ABTB2: variants seen among roughly 807,000 people sequenced by gnomAD.
The protein encoded by ABTB2 is ankyrin repeat and BTB/POZ domain-containing protein 2.
ABTB2 carries 56 observed loss-of-function variants against 104.1 expected under a neutral mutation model. The observed-to-expected ratio is 0.54, with a 90% confidence interval of 0.43 to 0.67. The LOEUF (loss-of-function observed/expected upper bound fraction) is 0.67, where lower values mean the gene tolerates loss of function less well. Ranked by LOEUF, ABTB2 falls within the 30% of genes least tolerant of loss-of-function variation. ABTB2 has a pLI of 0.00. For synonymous variants in ABTB2, 606 were observed against 608.2 expected (o/e 1.00, Z 0.05); for missense variants, 1,279 against 1,407.7 (o/e 0.91, Z 1.46).
intron 14 of ABTB2, among the ~76,000 whole-genome samples, chr11:34,156,714 C>A (rs192358076): frequency 6.6e-6 from 1 of 151,900 alleles, no homozygotes; most frequent in Non-Finnish European, 1.5e-5. Flanking sequence ...AGTAGAGATA[C>A]GGTTTCTACA....
Position 34,151,770 on chromosome 11 carries a change from G to A in ABTB2, c.*617C>T, listed in dbSNP as rs1225173071. 6.5e-6 allele frequency: 1 copy of A among 152,940 alleles called. No individual in the cohort carries two copies. The highest frequency in any genetic ancestry group is 1.5e-5 in the Non-Finnish European group (1 of 68,692). 9.5% of individuals were successfully genotyped at this position (152,940 alleles called of 1,614,324 possible). A position where few individuals can be genotyped will look rare whatever the true frequency, so the allele number is the denominator to read the frequency against. Reference sequence around the variant, plus strand: ...TGGAAGCCCAGGCACCAAAGACAATGGGGGAACTCCGGGTGGCAGCAGTCG... The same window carrying A: ...TGGAAGCCCAGGCACCAAAGACAATAGGGGAACTCCGGGTGGCAGCAGTCG... On this transcript the variant is annotated 3_prime_UTR_variant, in exon 17 of 17. Coordinates refer to ENST00000435224, the MANE Select transcript of ABTB2 (RefSeq NM_145804.3).
intron 11 of ABTB2, 73 bp downstream of exon 11, chr11:34,160,830 G>A (rs1852707945): frequency 4.7e-6 from 7 of 1,487,156 alleles, no homozygotes; most frequent in Non-Finnish European, 6.4e-6. Flanking sequence ...GTGTCTGCCT[G>A]TGTGTCCATC....
intron 1 of ABTB2, among the ~76,000 whole-genome samples, chr11:34,350,743 G>C (rs1160946758): frequency 6.6e-6 from 1 of 152,184 alleles, no homozygotes; most frequent in Non-Finnish European, 1.5e-5. Flanking sequence ...TTCTTGCTAT[G>C]AGTTTGACCC....
intron 1 of ABTB2, among the ~76,000 whole-genome samples, chr11:34,343,086 C>T (rs1005784917): frequency 3.3e-5 from 5 of 152,290 alleles, no homozygotes; most frequent in African/African-American, 9.6e-5. Context: ...CCTGCTGCCT[C>T]AGCCTCCCGA....
rs1554923796 is a variant in ABTB2 at position 34,297,796 on chromosome 11, G to GAAACAAAT, written c.883+58904_883+58905insATTTGTTT. On this transcript the variant is annotated intron_variant, in intron 1 of 16. Transcript: ENST00000435224. ...AAAAAAAAAAAAAATAAAAATAAAG[G>GAAACAAAT]AAAGAAAAAGAAAAAAACAAAATTC... Among the ~76,000 whole-genome samples the GAAACAAAT allele has an allele frequency of 3.0e-4, 37 of 123,068 alleles. 4 individuals carry two copies. Among genetic ancestry groups the GAAACAAAT allele is most frequent in the East Asian group, 4.9e-4 (2 of 4,106 alleles). The allele number at this position is 123,068 out of a possible 152,430, so 80.7% of individuals were successfully genotyped here.
At chr11:34,314,719 A>G (rs1183544129) in intron 1 of ABTB2, among the ~76,000 whole-genome samples, 1 of 152,170 alleles carries the variant, frequency 6.6e-6, no homozygotes, top group East Asian at 1.9e-4. Context: ...TCTTAGAAGG[A>G]CTGGCTAGAT....
chr11:34,236,749 T>C (rs545057510), intron 1 of ABTB2, among the ~76,000 whole-genome samples: 26 of 151,944 alleles, frequency 1.7e-4, no homozygotes, highest in African/African-American at 6.0e-4. Flanking sequence ...CCGAGGAGGG[T>C]AGATAAACGA....
chr11:34,353,063 A>T (rs1855418767), intron 1 of ABTB2, among the ~76,000 whole-genome samples: 1 of 152,218 alleles, frequency 6.6e-6, no homozygotes, highest in African/African-American at 2.4e-5. Flanking sequence ...CTCTGTCTCA[A>T]AATAAACAAA....
At chr11:34,324,736 C>G (rs553692777) in intron 1 of ABTB2, among the ~76,000 whole-genome samples, 1 of 152,196 alleles carries the variant, frequency 6.6e-6, no homozygotes, top group Non-Finnish European at 1.5e-5. Context: ...GCTGGCTGTC[C>G]CTGTTCAGTT....
chr11:34,251,319 C>T (rs1009536250), intron 1 of ABTB2, among the ~76,000 whole-genome samples: 6 of 152,232 alleles, frequency 3.9e-5, no homozygotes, highest in African/African-American at 1.2e-4. Context: ...GCTCAGACAG[C>T]GCTGACACTG....
chr11:34,174,206 T>A (rs1029743538), intron 3 of ABTB2, among the ~76,000 whole-genome samples: 1 of 151,438 alleles, frequency 6.6e-6, no homozygotes, highest in South Asian at 2.1e-4. Context: ...GCGCCTGTAG[T>A]CCCAGCTACT....
At chr11:34,226,695 G>A (rs1202546689) in intron 1 of ABTB2, among the ~76,000 whole-genome samples, 1 of 152,106 alleles carries the variant, frequency 6.6e-6, no homozygotes, top group East Asian at 1.9e-4. Flanking sequence ...CATTTCATTC[G>A]CTGTTTTTAG....
chr11:34,238,822 C>T (rs1220591320), intron 1 of ABTB2, among the ~76,000 whole-genome samples: 2 of 152,218 alleles, frequency 1.3e-5, no homozygotes, highest in South Asian at 2.1e-4. Flanking sequence ...GATGCAATCT[C>T]GGCTCACTGC....
rs1238817305 is a variant in ABTB2, at chr11:34,356,905, C to A, written c.679G>T (p.Ala227Ser). 8 of 1,602,892 alleles carry A rather than the reference C, an allele frequency of 5.0e-6. No homozygotes were observed. The highest frequency in any genetic ancestry group is 6.8e-6 in the Non-Finnish European group (8 of 1,174,724). ...ATGCAGGCGGTGAGGGAGATGGCTG[C>A]GTACTCGTGGATGCGCACGGAGATT... ...TRISVRIHEY[A>S]AISLTACMEN... Residue 227 changes from alanine (A) to serine (S), a missense_variant, in exon 1 of 17, where the codon GCA becomes TCA. Ala to Ser is a moderately conservative substitution (Grantham distance 99). Coordinates refer to ENST00000435224, the MANE Select transcript of ABTB2 (RefSeq NM_145804.3). This position sits in a 1 kb window ranked among gnomAD's most constrained non-coding sequence, Gnocchi z 4.6.
chr11:34,321,965 A>G (rs1485734894), intron 1 of ABTB2, among the ~76,000 whole-genome samples: 1 of 151,952 alleles, frequency 6.6e-6, no homozygotes, highest in Non-Finnish European at 1.5e-5. Context: ...CCAAACTCAT[A>G]CCCCCATTGC....
At chr11:34,234,290 C>T (rs1300041800) in intron 1 of ABTB2, among the ~76,000 whole-genome samples, 5 of 152,114 alleles carry the variant, frequency 3.3e-5, no homozygotes, top group South Asian at 2.1e-4. Context: ...CTCAAGGAGG[C>T]CTAAGGAAAG....
At chr11:34,220,222 T>C (rs767993102) in intron 1 of ABTB2, among the ~76,000 whole-genome samples, 1 of 152,060 alleles carries the variant, frequency 6.6e-6, no homozygotes, top group Non-Finnish European at 1.5e-5. Context: ...AAGAAAACGA[T>C]CACTGGACAC....
At chr11:34,317,356 G>A (rs1854945928) in intron 1 of ABTB2, among the ~76,000 whole-genome samples, 1 of 152,070 alleles carries the variant, frequency 6.6e-6, no homozygotes. Flanking sequence ...AAGGGAGTTG[G>A]GGGTTTGTCT....
At chr11:34,273,368 C>T (rs1490593616) in intron 1 of ABTB2, among the ~76,000 whole-genome samples, 3 of 152,142 alleles carry the variant, frequency 2.0e-5, no homozygotes, top group Non-Finnish European at 4.4e-5. Context: ...TTGCAAGGCC[C>T]GGGGTCTCTC....
Sources: allele counts gnomAD v4.1 joint callset (sites outside exome capture counted in the v4.1 genomes callset), GRCh38; gene constraint gnomAD v4.1.1; non-coding constraint Gnocchi (gnomAD v3.1); transcripts MANE v1.5; gene names NCBI Gene and HGNC (gene_info 2026-07-23, HGNC 2026-07-21).